The following ATP5F1A variants were observed in gnomAD, a reference collection of about 807,000 sequenced individuals.
ATP5F1A encodes the protein ATP synthase F1 subunit alpha, also known as ATP synthase F(1) complex subunit alpha, mitochondrial.
ATP5F1A carries 24 observed loss-of-function variants against 57.4 expected under a neutral mutation model. That is an observed-to-expected ratio of 0.42 (90% CI 0.30 to 0.59). The LOEUF (loss-of-function observed/expected upper bound fraction) is 0.59. ATP5F1A is among the 20% of genes least tolerant of loss of function. The pLI is 0.19. For missense variants in ATP5F1A, 494 were observed against 707.9 expected, an observed-to-expected ratio of 0.70 and a Z score of 3.43; for synonymous variants, 251 against 255.5, an observed-to-expected ratio of 0.98 and a Z score of 0.17.
In ATP5F1A at chr18:46,083,029, G is replaced by A. The variant is rs901711215; in HGVS notation, c.*1253C>T. The A allele has an allele frequency of 6.6e-6, 1 of 152,078 alleles. No individual in the cohort carries two copies. The highest frequency in any genetic ancestry group is 1.5e-5 in the Non-Finnish European group (1 of 68,042). The allele number at this position is 152,078 out of a possible 1,614,324, so 9.4% of individuals were successfully genotyped here. Reference sequence around the variant, plus strand: ...TACGCCACTGCTCTCCAGCCTAGGTGACAGAGCAAGACTCTGTCTCAAAAA... The same window carrying A: ...TACGCCACTGCTCTCCAGCCTAGGTAACAGAGCAAGACTCTGTCTCAAAAA... On this transcript the variant is annotated 3_prime_UTR_variant, in exon 12 of 12. Coordinates refer to ENST00000398752, the MANE Select transcript of ATP5F1A (RefSeq NM_004046.6).
At chr18:46,102,963 A>G (rs1911324016), upstream of ATP5F1A, among the ~76,000 whole-genome samples, 1 of 152,000 alleles carries the variant, frequency 6.6e-6, no homozygotes, top group Admixed American at 6.6e-5. Context: ...AAAATAAAAT[A>G]AATAATAAAT....
rs770780441 is a variant in ATP5F1A at position 46,089,606 on chromosome 18, G to A, written c.610C>T (p.Arg204Cys). The A allele has an allele frequency of 9.3e-6, 15 of 1,614,132 alleles. No homozygotes were observed. The highest frequency in any genetic ancestry group is 6.6e-5 in the South Asian group (6 of 91,062). Residue 204 changes from arginine to cysteine, a missense_variant, in exon 5 of 12, where the codon CGT becomes TGT. Arg to Cys is a radical substitution (Grantham distance 180). This residue lies in a region of ATP5F1A where 191 missense variants were observed against 267.7 expected (regional missense o/e 0.71). Coordinates refer to ENST00000398752, the MANE Select transcript of ATP5F1A (RefSeq NM_004046.6). ...KAVDSLVPIG[R>C]GQRELIIGDR... ...CCAATAATCAGTTCACGCTGACCACGACCAATTGGCACCAAGCTATCCACA... is the reference window on the plus strand; with the variant it reads ...CCAATAATCAGTTCACGCTGACCACAACCAATTGGCACCAAGCTATCCACA...
At chr18:46,089,796 A>G in intron 4 of ATP5F1A, 27 bp downstream of exon 4, 1 of 1,609,696 alleles carries the variant, frequency 6.2e-7, no homozygotes, top group Admixed American at 1.7e-5. Flanking sequence ...AGAAGCTGCA[A>G]CTATATCTAA....
chr18:46,081,661 AAAAAAAAAAAAC>A lies in ATP5F1A; in HGVS notation c.*2609_*2620del, dbSNP rs1368418919. The A allele has an allele frequency of 3.5e-5, 1 of 28,474 alleles. No homozygotes were observed. The allele number at this position is 28,474 out of a possible 1,614,324, so 1.8% of individuals were successfully genotyped here. Reference sequence around the variant, plus strand: ...CCTGGGCAACAAGAGCAAAACTCTCAAAAAAAAAAAACAAAAAAAAAAAAAAAAAAAAAAAAC... The same window carrying A: ...CCTGGGCAACAAGAGCAAAACTCTCAAAAAAAAAAAAAAAAAAAAAAAAAC... On this transcript the variant is annotated 3_prime_UTR_variant, in exon 12 of 12. Coordinates refer to ENST00000398752, the MANE Select transcript of ATP5F1A (RefSeq NM_004046.6).
At chr18:46,094,781 T>C (rs1023509508) in intron 2 of ATP5F1A, 4 of 303,612 alleles carry the variant, frequency 1.3e-5, no homozygotes, top group Non-Finnish European at 2.3e-5. Context: ...CATTACCTAG[T>C]GTATGTTCTT....
intron 1 of ATP5F1A, among the ~76,000 whole-genome samples, chr18:46,096,982 CAAAAAAA>C (rs71160709): frequency 8.0e-5 from 6 of 75,184 alleles, no homozygotes; most frequent in Admixed American, 3.2e-4. Context: ...GACACCATCT[CAAAAAAA>C]AAAAAAAAAA....
At chr18:46,086,949 C>T (rs986430753) in intron 8 of ATP5F1A, 59 bp downstream of exon 8, 8 of 1,540,886 alleles carry the variant, frequency 5.2e-6, no homozygotes, top group African/African-American at 4.1e-5. Flanking sequence ...TAGTCTCAAC[C>T]AATGCCTTAG....
At position 46,083,213 on chromosome 18, in the gene ATP5F1A, G is replaced by A. The variant is rs554055448; in HGVS notation, c.*1069C>T. Reference sequence around the variant, plus strand: ...CCAGCACTTTGGGAGACCAAGGCAGGAGGATCACTTGAGCCAAGGAGTTCA... The same window carrying A: ...CCAGCACTTTGGGAGACCAAGGCAGAAGGATCACTTGAGCCAAGGAGTTCA... On this transcript the variant is annotated 3_prime_UTR_variant, in exon 12 of 12. Transcript: ENST00000398752. 6.6e-6 allele frequency: 1 copy of A among 152,358 alleles called. No individual in the cohort carries two copies. The highest frequency in any genetic ancestry group is 1.5e-5 in the Non-Finnish European group (1 of 68,150). 9.4% of individuals were successfully genotyped at this position (152,358 alleles called of 1,614,324 possible). A position where few individuals can be genotyped will look rare whatever the true frequency, so the allele number is the denominator to read the frequency against.
In ATP5F1A at chr18:46,090,277, G is replaced by A. The variant is rs141925748; in HGVS notation, c.310-281C>T. On this transcript the variant is annotated intron_variant, in intron 3 of 11. Transcript: ENST00000398752. ...TTACAGAAGCAAAGAAATTGGACAG[G>A]TTAATAAGCTTTTTTCCACTGTATT... is the stretch of plus-strand genomic sequence containing the variant. Among the ~76,000 whole-genome samples, 1,121 of 152,250 alleles carry A rather than the reference G, an allele frequency of 7.4e-3. 15 individuals carry two copies. The highest frequency in any genetic ancestry group is 0.02 in the Middle Eastern group (6 of 294).
In ATP5F1A at chr18:46,089,712, C is replaced by A. The variant is rs201332560; in HGVS notation, c.504G>T (p.Thr168=). 4 of 1,614,070 alleles carry A rather than the reference C, an allele frequency of 2.5e-6. No individual in the cohort carries two copies. The South Asian group carries it at 4.4e-5, about 18-fold the overall frequency. ...GGGCTTTCAGACCAACTCGCCTACG[C>A]GTCTTGGAACCAATTGGACCCTGTT... ...IDGKGPIGSK[T]RRRVGLKAPG... The change falls in exon 5 of 12, where the codon ACG becomes ACT. Residue 168 remains threonine (T), a synonymous_variant. Transcript: ENST00000398752.
In ATP5F1A at chr18:46,084,257, G is replaced by A; in HGVS notation, c.*25C>T. On this transcript the variant is annotated 3_prime_UTR_variant, in exon 12 of 12. Coordinates refer to ENST00000398752, the MANE Select transcript of ATP5F1A (RefSeq NM_004046.6). The stretch of plus-strand genomic sequence containing the variant: ...CTAGAACAATGACAAAACTGAACTG[G>A]TATTTGATGTGAATCCACAGGAGTT... The A allele has an allele frequency of 1.3e-6, 2 of 1,593,318 alleles. No individual in the cohort carries two copies. The highest frequency in any genetic ancestry group is 1.7e-6 in the Non-Finnish European group (2 of 1,165,748).
At chr18:46,090,519 C>A (rs996735859) in intron 3 of ATP5F1A, among the ~76,000 whole-genome samples, 3 of 152,192 alleles carry the variant, frequency 2.0e-5, no homozygotes, top group Non-Finnish European at 2.9e-5. Context: ...ATTTTCATAA[C>A]ATAACAGCAC....
chr18:46,095,890 AT>A (rs947035441), intron 1 of ATP5F1A, among the ~76,000 whole-genome samples: 15 of 147,974 alleles, frequency 1.0e-4, no homozygotes, highest in East Asian at 6.1e-4. Flanking sequence ...ATACACACAC[AT>A]TTTTTTTTTC....
In ATP5F1A at chr18:46,087,688, T is replaced by C. The variant is rs981735812; in HGVS notation, c.800-196A>G. ...TGAGGTCAGGAGTTCGAGACCAGCC[T>C]GACCAATATGAGGAAACTCCGTCTC... On this transcript the variant is annotated intron_variant, in intron 6 of 11. Transcript: ENST00000398752. The C allele has an allele frequency of 1.5e-5, 9 of 585,080 alleles. No homozygotes were observed. The East Asian group carries it at 1.9e-4, about 12-fold the overall frequency. 36.2% of individuals were successfully genotyped at this position (585,080 alleles called of 1,614,324 possible).
At chr18:46,100,346 A>G (rs901464733), upstream of ATP5F1A, among the ~76,000 whole-genome samples, 2 of 152,186 alleles carry the variant, frequency 1.3e-5, no homozygotes, top group African/African-American at 4.8e-5. Context: ...CTATAAATTT[A>G]AAACATTTGG....
intron 6 of ATP5F1A, 52 bp from the exon 7 acceptor site, chr18:46,087,544 G>C: frequency 6.3e-7 from 1 of 1,584,046 alleles, no homozygotes; most frequent in Non-Finnish European, 8.6e-7. Context: ...TAAATTGGAG[G>C]CTACTATAAA....
chr18:46,084,333 A>C lies in ATP5F1A; in HGVS notation c.1611T>G (p.Asp537Glu). The C allele has an allele frequency of 6.2e-7, 1 of 1,613,686 alleles. No homozygotes were observed. The highest frequency in any genetic ancestry group is 8.5e-7 in the Non-Finnish European group (1 of 1,179,978). Residue 537 changes from aspartate (D) to glutamate (E), a missense_variant, in exon 12 of 12, where the codon GAT becomes GAG. This residue lies in a region of ATP5F1A where 127 missense variants were observed against 195.2 expected (regional missense o/e 0.65). Transcript: ENST00000398752. ...TTGTTACAATCTCTTTCAGCTTTGC[A>C]TCTGATTGTTCTGAGATCTTTCCAT... ...RADGKISEQS[D>E]AKLKEIVTNF...
chr18:46,098,373 C>T (rs567403955), upstream of ATP5F1A: 12 of 1,219,888 alleles, frequency 9.8e-6, no homozygotes, highest in South Asian at 5.9e-5. Context: ...CCACCTCTCC[C>T]CCCGCCCCCG....
chr18:46,080,316 G>A lies in ATP5F1A; in HGVS notation c.*3966C>T, dbSNP rs1909673876. 1 of 152,180 alleles carries A rather than the reference G, an allele frequency of 6.6e-6. No individual in the cohort carries two copies. Among genetic ancestry groups the A allele is most frequent in the South Asian group, 2.1e-4 (1 of 4,834 alleles). 9.4% of individuals were successfully genotyped at this position (152,180 alleles called of 1,614,324 possible). ...TAAAACTTCACATTTCAAAGGTCAAGTGCCTTCTCAAATGTTCACCACCCC... is the reference window on the plus strand; with the variant it reads ...TAAAACTTCACATTTCAAAGGTCAAATGCCTTCTCAAATGTTCACCACCCC... On this transcript the variant is annotated 3_prime_UTR_variant, in exon 12 of 12. Transcript: ENST00000398752.
Sources: allele counts gnomAD v4.1 joint callset (sites outside exome capture counted in the v4.1 genomes callset), GRCh38; gene constraint gnomAD v4.1.1; regional missense constraint gnomAD v4.1.1; transcripts MANE v1.5; gene names NCBI Gene and HGNC (gene_info 2026-07-23, HGNC 2026-07-21).